The following C3orf20 variants were observed in gnomAD, a reference collection of about 807,000 sequenced individuals.
The protein encoded by C3orf20 is uncharacterized protein C3orf20.
C3orf20 carries 76 observed loss-of-function variants against 88.3 expected under a neutral mutation model. The observed-to-expected ratio is 0.86, with a 90% CI of 0.72 to 1.04. The LOEUF (loss-of-function observed/expected upper bound fraction) is 1.04, where lower values mean the gene tolerates loss of function less well. C3orf20 is among the 50% of genes least tolerant of loss of function. The probability of loss-of-function intolerance (pLI) is 0.00; values close to 1 mark genes in which losing one functional copy is unlikely to be tolerated. For synonymous variants in C3orf20, 436 were observed against 437.4 expected (o/e 1.00, Z 0.04); for missense variants, 1,056 against 1,123.3 (o/e 0.94, Z 0.86).
Position 14,728,314 on chromosome 3 carries a change from C to T in C3orf20, c.1691-125C>T, listed in dbSNP as rs2034425897. The stretch of plus-strand genomic sequence containing the variant: ...CAGCAGAGGGGAGGTGCCGGAGAAT[C>T]AATGAGAGCGGAGGGGAGGAGATGG... On this transcript the variant is annotated intron_variant, in intron 11 of 16. Coordinates refer to ENST00000253697, the MANE Select transcript of C3orf20 (RefSeq NM_032137.5). 3 of 1,132,764 alleles carry T rather than the reference C, an allele frequency of 2.6e-6. No individual in the cohort carries two copies. In the Admixed American group the frequency reaches 6.1e-5, roughly 23 times the overall value. 70.2% of individuals were successfully genotyped at this position (1,132,764 alleles called of 1,614,324 possible).
intron 15 of C3orf20, among the ~76,000 whole-genome samples, chr3:14,769,147 A>G (rs1452115890): frequency 6.6e-6 from 1 of 152,100 alleles, no homozygotes; most frequent in Non-Finnish European, 1.5e-5. Flanking sequence ...GCAAATTCAT[A>G]GAGCTGTGAG....
chr3:14,697,714 C>CA (rs34491710), intron 5 of C3orf20, among the ~76,000 whole-genome samples: 4 of 132,992 alleles, frequency 3.0e-5, no homozygotes, highest in Non-Finnish European at 6.4e-5. Flanking sequence ...CCCCAACCCC[C>CA]CTGCTGCCAA....
chr3:14,681,008 C>T (rs2032059715), intron 1 of C3orf20, among the ~76,000 whole-genome samples: 1 of 152,230 alleles, frequency 6.6e-6, no homozygotes. Context: ...TGCAAACCAG[C>T]AGGATGCTGG....
At chr3:14,749,304 A>C (rs963932286) in intron 12 of C3orf20, among the ~76,000 whole-genome samples, 4 of 152,200 alleles carry the variant, frequency 2.6e-5, no homozygotes, top group African/African-American at 9.6e-5. Flanking sequence ...TTATTTGCTT[A>C]GAGTGTTTGT....
chr3:14,756,140 T>C (rs1014936901), intron 12 of C3orf20, among the ~76,000 whole-genome samples: 1 of 150,480 alleles, frequency 6.6e-6, no homozygotes, highest in African/African-American at 2.4e-5. Context: ...AAGACTGTGA[T>C]GCTGTAAAAT....
At chr3:14,697,652 C>A (rs13325687) in intron 5 of C3orf20, among the ~76,000 whole-genome samples, 3 of 147,198 alleles carry the variant, frequency 2.0e-5, no homozygotes, top group African/African-American at 7.6e-5. Flanking sequence ...GCTGCACCCC[C>A]CAACTCATCA....
At chr3:14,765,074 A>G (rs745378654) in intron 15 of C3orf20, 4 of 152,224 alleles carry the variant, frequency 2.6e-5, no homozygotes, top group African/African-American at 4.8e-5. Flanking sequence ...AAATCTCACA[A>G]TGTCCTCATG....
intron 15 of C3orf20, among the ~76,000 whole-genome samples, chr3:14,771,821 T>C (rs1161023564): frequency 6.6e-6 from 1 of 152,178 alleles, no homozygotes; most frequent in Non-Finnish European, 1.5e-5. Flanking sequence ...GCATTTGCTA[T>C]GGTCAGTGTT....
rs1422523322 is a variant in C3orf20 at position 14,768,862 on chromosome 3, G to A, written c.2496-3205G>A. ...GGGACTGGCCTGTTGCAAAGCCCCC[G>A]ATGGTCTTTTTTGCTTATCCCTGAC... On this transcript the variant is annotated intron_variant, in intron 15 of 16. Coordinates refer to ENST00000253697, the MANE Select transcript of C3orf20 (RefSeq NM_032137.5). The surrounding 1 kb of genome is among the most constrained non-coding windows in gnomAD (Gnocchi z 4.1). 6.6e-6 allele frequency among the ~76,000 whole-genome samples: 1 copy of A among 151,974 alleles called. No homozygotes were observed. The highest frequency in any genetic ancestry group is 2.1e-4 in the South Asian group (1 of 4,788).
rs753339288 is a variant in C3orf20, at chr3:14,703,142, C to T, written c.758C>T (p.Thr253Ile). 1.2e-6 allele frequency: 2 copies of T among 1,614,066 alleles called. No individual in the cohort carries two copies. The highest frequency in any genetic ancestry group is 2.7e-5 in the African/African-American group (2 of 74,908). The stretch of plus-strand genomic sequence containing the variant: ...CCTCCAACTACAGGCAAATCTAGAA[C>T]TACAGAAGATGTCAGCATGCCGCCC... ...EAKKKIGKSR[T>I]TEDVSMPPLH... Residue 253 changes from threonine (T) to isoleucine (I), a missense_variant, in exon 6 of 17, where the codon ACT (threonine) becomes ATT (isoleucine). Physicochemically the swap from Thr to Ile is moderately conservative, Grantham distance 89 (BLOSUM62 -1). Coordinates refer to ENST00000253697, the MANE Select transcript of C3orf20 (RefSeq NM_032137.5).
intron 4 of C3orf20, among the ~76,000 whole-genome samples, chr3:14,688,251 C>T (rs754135426): frequency 7.2e-4 from 109 of 152,084 alleles, no homozygotes; most frequent in Middle Eastern, 3.4e-3. Flanking sequence ...GGGACCAGGC[C>T]GAGTGTGGCG....
intron 6 of C3orf20, 107 bp downstream of exon 6, chr3:14,703,369 G>A: frequency 6.5e-6 from 10 of 1,541,734 alleles, no homozygotes; most frequent in Admixed American, 1.8e-5. Context: ...AGAAGTGTGT[G>A]AGACATGCCA....
chr3:14,731,436 G>A (rs1314577411), intron 12 of C3orf20, among the ~76,000 whole-genome samples: 1 of 152,130 alleles, frequency 6.6e-6, no homozygotes, highest in Non-Finnish European at 1.5e-5. Flanking sequence ...CACGGATAAG[G>A]TTTATTATAA....
chr3:14,678,360 A>C (rs574941821), intron 1 of C3orf20, among the ~76,000 whole-genome samples: 1 of 152,266 alleles, frequency 6.6e-6, no homozygotes, highest in East Asian at 1.9e-4. Flanking sequence ...ACACACATTC[A>C]TGTGACGTGA....
At chr3:14,732,113 A>G (rs2034554954) in intron 12 of C3orf20, among the ~76,000 whole-genome samples, 1 of 152,222 alleles carries the variant, frequency 6.6e-6, no homozygotes, top group East Asian at 1.9e-4. Context: ...GTCCACCAAC[A>G]ATGTATGAGA....
chr3:14,684,789 C>T (rs887042944), intron 4 of C3orf20, among the ~76,000 whole-genome samples: 1 of 152,210 alleles, frequency 6.6e-6, no homozygotes. Context: ...AGTTTTTGTG[C>T]TCACCTGGTC....
At chr3:14,770,516 A>T (rs1036556060) in intron 15 of C3orf20, among the ~76,000 whole-genome samples, 1 of 152,108 alleles carries the variant, frequency 6.6e-6, no homozygotes, top group East Asian at 1.9e-4. Context: ...TTCTTGCTCT[A>T]GGCCTTGTAG....
At chr3:14,747,120 AC>A (rs1469724650) in intron 12 of C3orf20, among the ~76,000 whole-genome samples, 1 of 152,236 alleles carries the variant, frequency 6.6e-6, no homozygotes. Flanking sequence ...TGTCAAAGTT[AC>A]CAACTAGGTG....
At chr3:14,702,893 C>G (rs2033333310) in intron 5 of C3orf20, among the ~76,000 whole-genome samples, 1 of 152,186 alleles carries the variant, frequency 6.6e-6, no homozygotes, top group Non-Finnish European at 1.5e-5. Flanking sequence ...AAGCTAGTTA[C>G]TTCCTAGATA....
Sources: gnomAD v4.1 joint callset for allele counts (sites outside exome capture counted in the v4.1 genomes callset) on GRCh38, gnomAD v4.1.1 for gene constraint, Gnocchi (gnomAD v3.1) non-coding constraint, MANE v1.5 for transcripts, NCBI Gene and HGNC (gene_info 2026-07-23, HGNC 2026-07-21) for gene names.